The following OR10J1 variants were observed in gnomAD, a reference collection of about 807,000 sequenced individuals.
OR10J1 encodes the protein olfactory receptor family 10 subfamily J member 1.
For synonymous variants in OR10J1, 202 were observed against 143.8 expected, an observed-to-expected ratio of 1.40 and a Z score of -2.89; for missense variants, 474 against 376.6, an observed-to-expected ratio of 1.26 and a Z score of -2.14.
upstream of OR10J1, among the ~76,000 whole-genome samples, chr1:159,433,999 A>C (rs1655664415): frequency 6.6e-6 from 1 of 152,216 alleles, no homozygotes; most frequent in African/African-American, 2.4e-5. Flanking sequence ...TAACACTTTC[A>C]GGCTGTTTGT....
At chr1:159,434,898 C>G (rs1447376588), upstream of OR10J1, among the ~76,000 whole-genome samples, 1 of 152,142 alleles carries the variant, frequency 6.6e-6, no homozygotes, top group African/African-American at 2.4e-5. Flanking sequence ...TTGATATGGA[C>G]ACAGAGCCCT....
the OR10J1 span, among the ~76,000 whole-genome samples, chr1:159,403,598 A>G: frequency 3.3e-5 from 5 of 152,222 alleles, no homozygotes; most frequent in Non-Finnish European, 7.3e-5. Context: ...GTTTATATCC[A>G]AAAGACAAGA....
chr1:159,435,044 G>A (rs541860911), upstream of OR10J1, among the ~76,000 whole-genome samples: 5 of 152,160 alleles, frequency 3.3e-5, no homozygotes, highest in East Asian at 1.9e-4. Context: ...ACTATTCTCC[G>A]AGGGTCTTCC....
chr1:159,435,352 C>A (rs146354881), upstream of OR10J1, among the ~76,000 whole-genome samples: 227 of 152,276 alleles, frequency 1.5e-3, no homozygotes, highest in Middle Eastern at 0.02. Context: ...CATCAATTCT[C>A]ACATGCAGTC....
rs1232875254 is a variant in OR10J1 at position 159,440,507 on chromosome 1, C to T, written c.716C>T (p.Thr239Ile). 6.2e-7 allele frequency: 1 copy of T among 1,613,986 alleles called. No homozygotes were observed. The highest frequency in any genetic ancestry group is 8.5e-7 in the Non-Finnish European group (1 of 1,180,024). The change falls in exon 1 of 1, where the codon ACC becomes ATC. Residue 239 changes from threonine (T) to isoleucine (I), a missense_variant. By Grantham distance (89) the Thr-to-Ile change is moderately conservative. Coordinates refer to ENST00000423932, the MANE Select transcript of OR10J1 (RefSeq NM_012351.3). ...GAGGGCCGGAAGAAGGCTTTTGCCA[C>T]CTGTGCATCCCACCTCACTGTGGTC... ...SVEGRKKAFA[T>I]CASHLTVVIV... is the part of the protein sequence containing the mutation.
chr1:159,436,170 G>A (rs1571155874), upstream of OR10J1, among the ~76,000 whole-genome samples: 2 of 151,416 alleles, frequency 1.3e-5, no homozygotes, highest in African/African-American at 2.4e-5. Context: ...ATAAAGTCTT[G>A]AGCTCTTTAG....
chr1:159,440,465 T>C lies in OR10J1; in HGVS notation c.674T>C (p.Leu225Pro). ...TATGTTCTCATTATCTCTACAATCC[T>C]CAAGATTGCTTCAGTTGAGGGCCGG... ...ISYVLIISTI[L>P]KIASVEGRKK... Residue 225 changes from leucine to proline, a missense_variant, in exon 1 of 1, where the codon CTC becomes CCC. Transcript: ENST00000423932. 1 of 1,614,120 alleles carries C rather than the reference T, an allele frequency of 6.2e-7. No homozygotes were observed. The highest frequency in any genetic ancestry group is 8.5e-7 in the Non-Finnish European group (1 of 1,180,012).
the OR10J1 span, among the ~76,000 whole-genome samples, chr1:159,430,674 C>CGT: frequency 0.075 from 2,308 of 30,862 alleles, 58 homozygotes; most frequent in East Asian, 0.23. Context: ...TGTGTGCGCG[C>CGT]GCGCACATGT....
chr1:159,415,818 A>G, the OR10J1 span, among the ~76,000 whole-genome samples: 1 of 151,984 alleles, frequency 6.6e-6, no homozygotes, highest in Non-Finnish European at 1.5e-5. Flanking sequence ...TAATTTATGA[A>G]CGAGACATCT....
the OR10J1 span, among the ~76,000 whole-genome samples, chr1:159,401,521 G>A: frequency 2.0e-5 from 3 of 151,738 alleles, no homozygotes; most frequent in Non-Finnish European, 2.9e-5. Context: ...CAAATACTTA[G>A]GTAGATACAA....
In OR10J1 at chr1:159,440,381, T is replaced by C. The variant is rs1655901699; in HGVS notation, c.590T>C (p.Leu197Pro). The C allele has an allele frequency of 6.2e-7, 1 of 1,614,082 alleles. No homozygotes were observed. The highest frequency in any genetic ancestry group is 1.3e-5 in the African/African-American group (1 of 74,930). The stretch of plus-strand genomic sequence containing the variant: ...ATTGACACCACTGTCAATGAAATCC[T>C]GACTTTGATTATCAGTGTGCTGGTG... ...SCIDTTVNEI[L>P]TLIISVLVLV... Residue 197 changes from leucine to proline, a missense_variant, in exon 1 of 1, where the codon CTG becomes CCG. Leu to Pro is a moderately conservative substitution (Grantham distance 98). Coordinates refer to ENST00000423932, the MANE Select transcript of OR10J1 (RefSeq NM_012351.3).
At chr1:159,404,437 T>G in the OR10J1 span, among the ~76,000 whole-genome samples, 2 of 152,098 alleles carry the variant, frequency 1.3e-5, no homozygotes, top group African/African-American at 4.8e-5. Context: ...TTCTGCAGGT[T>G]GTGCAGTGCG....
chr1:159,401,148 A>G, the OR10J1 span, among the ~76,000 whole-genome samples: 1 of 151,894 alleles, frequency 6.6e-6, no homozygotes, highest in African/African-American at 2.4e-5. Flanking sequence ...TGCACCAAAA[A>G]AAAAAGAGAA....
the OR10J1 span, chr1:159,432,801 C>A: frequency 2.5e-6 from 1 of 403,204 alleles, no homozygotes; most frequent in East Asian, 3.6e-5. Flanking sequence ...GGAGTTATTA[C>A]TTTGCTCATC....
At chr1:159,417,185 T>A in the OR10J1 span, among the ~76,000 whole-genome samples, 1 of 152,194 alleles carries the variant, frequency 6.6e-6, no homozygotes, top group African/African-American at 2.4e-5. Flanking sequence ...TACTTTTTTC[T>A]ATATGTGTTT....
At chr1:159,435,081 G>T (rs1655698918), upstream of OR10J1, among the ~76,000 whole-genome samples, 1 of 152,098 alleles carries the variant, frequency 6.6e-6, no homozygotes, top group African/African-American at 2.4e-5. Context: ...ATATACCCAG[G>T]ACATTATTTC....
the OR10J1 span, among the ~76,000 whole-genome samples, chr1:159,426,838 A>G: frequency 6.6e-6 from 1 of 151,964 alleles, no homozygotes; most frequent in Non-Finnish European, 1.5e-5. Flanking sequence ...TCAAAGATCT[A>G]TATACATCAT....
rs570393323 is a variant in OR10J1 at position 159,439,819 on chromosome 1, A to G, written c.28A>G (p.Thr10Ala). 1.2e-6 allele frequency: 2 copies of G among 1,613,990 alleles called. No homozygotes were observed. Among genetic ancestry groups the G allele is most frequent in the Non-Finnish European group, 8.5e-7 (1 of 1,179,992 alleles). The change falls in exon 1 of 1, where the codon ACT becomes GCT. Residue 10 changes from threonine to alanine, a missense_variant. Thr to Ala is a moderately conservative substitution (Grantham distance 58). Transcript: ENST00000423932. ...GAAAAGAGAGAACTTTACTCTCATC[A>G]CTGACTTTGTTTTCCAAGGTTTCTC... MKRENFTLI[T>A]DFVFQGFSSF...
In OR10J1 at chr1:159,440,515, T is replaced by A; in HGVS notation, c.724T>A (p.Ser242Thr). 2 of 1,614,104 alleles carry A rather than the reference T, an allele frequency of 1.2e-6. No homozygotes were observed. The highest frequency in any genetic ancestry group is 1.7e-6 in the Non-Finnish European group (2 of 1,180,008). ...GAAGAAGGCTTTTGCCACCTGTGCA[T>A]CCCACCTCACTGTGGTCATTGTCCA... ...GRKKAFATCASHLTVVIVHYS... is the reference protein window; with the variant it reads ...GRKKAFATCATHLTVVIVHYS... Residue 242 changes from serine (S) to threonine (T), a missense_variant, in exon 1 of 1, where the codon TCC becomes ACC. Transcript: ENST00000423932.
Sources: gnomAD v4.1 joint callset for allele counts (sites outside exome capture counted in the v4.1 genomes callset) on GRCh38, gnomAD v4.1.1 for gene constraint, MANE v1.5 for transcripts, NCBI Gene and HGNC (gene_info 2026-07-23, HGNC 2026-07-21) for gene names.